Variants in ZYG11B observed in about 807,000 individuals in gnomAD.
ZYG11B encodes protein zyg-11 homolog B.
In ZYG11B, 36 loss-of-function variants were observed where a neutral mutation model predicts 82.4. The observed-to-expected ratio is 0.44, with a 90% confidence interval of 0.33 to 0.58. The LOEUF (loss-of-function observed/expected upper bound fraction) is 0.58. Ranked by LOEUF, ZYG11B falls within the 20% of genes least tolerant of loss-of-function variation. ZYG11B has a pLI of 0.02. For missense variants in ZYG11B, 552 were observed against 895.6 expected (o/e 0.62, Z 4.90); for synonymous variants, 303 against 312.8 (o/e 0.97, Z 0.33).
chr1:52,750,341 C>T (rs1290885312), intron 1 of ZYG11B, among the ~76,000 whole-genome samples: 5 of 150,724 alleles, frequency 3.3e-5, no homozygotes, highest in South Asian at 2.1e-4. Context: ...GGCGCAATCT[C>T]GGCTCACTGC....
rs890910314 is a variant in ZYG11B, at chr1:52,821,531, C to A, written c.2137C>A (p.Gln713Lys). 3.7e-6 allele frequency: 6 copies of A among 1,614,120 alleles called. No individual in the cohort carries two copies. Among genetic ancestry groups the A allele is most frequent in the South Asian group, 1.1e-5 (1 of 91,076 alleles). The change falls in exon 14 of 14, where the codon CAG becomes AAG. Residue 713 changes from glutamine to lysine, a missense_variant. Physicochemically the swap from Gln to Lys is moderately conservative, Grantham distance 53. Transcript: ENST00000294353. ...TGAACATACTGATCCCCATGTCCAA[C>A]AGATTGCTGTGGCCATTCTGGATAG... ...DHEHTDPHVQ[Q>K]IAVAILDSLE...
At chr1:52,768,164 C>G (rs1644714728) in intron 2 of ZYG11B, among the ~76,000 whole-genome samples, 1 of 152,136 alleles carries the variant, frequency 6.6e-6, no homozygotes, top group East Asian at 1.9e-4. Context: ...TGTTTCCTGT[C>G]TTACTAGTTG....
intron 10 of ZYG11B, among the ~76,000 whole-genome samples, chr1:52,802,659 T>C (rs554671805): frequency 6.6e-6 from 1 of 151,870 alleles, no homozygotes; most frequent in Admixed American, 6.6e-5. Context: ...AGTGGCAATT[T>C]TTGACAATTT....
chr1:52,760,537 T>A (rs1035033546), intron 2 of ZYG11B, among the ~76,000 whole-genome samples: 1 of 152,216 alleles, frequency 6.6e-6, no homozygotes, highest in Non-Finnish European at 1.5e-5. Flanking sequence ...AACATATACA[T>A]TTAAAATTTT....
intron 2 of ZYG11B, among the ~76,000 whole-genome samples, chr1:52,758,289 T>C (rs1017072609): frequency 2.0e-5 from 3 of 151,620 alleles, no homozygotes; most frequent in African/African-American, 7.3e-5. Context: ...AGCTATAGAA[T>C]AGAATGTAAA....
intron 1 of ZYG11B, among the ~76,000 whole-genome samples, chr1:52,742,594 G>C (rs949491511): frequency 6.6e-6 from 1 of 152,164 alleles, no homozygotes; most frequent in Non-Finnish European, 1.5e-5. Context: ...TGTAATCCCA[G>C]CACTTTCGGA....
At chr1:52,792,713 AATTAT>A (rs1159271865) in intron 6 of ZYG11B, among the ~76,000 whole-genome samples, 2 of 152,222 alleles carry the variant, frequency 1.3e-5, no homozygotes, top group African/African-American at 4.8e-5. Context: ...AGAGAAAGTC[AATTAT>A]ATTAGTAAAA....
Position 52,801,830 on chromosome 1 carries a change from A to G in ZYG11B, c.1497A>G (p.Gln499=). ...TELFIVRQLL[Q]IVKQKTNQNS... is the part of the protein sequence containing the mutation. The stretch of plus-strand genomic sequence containing the variant: ...TTTTTTTTTTTCAGCAACTTCTTCA[A>G]ATAGTGAAGCAGAAAACCAATCAAA... Residue 499 remains glutamine, a synonymous_variant, in exon 9 of 14, where the codon CAA becomes CAG. Coordinates refer to ENST00000294353, the MANE Select transcript of ZYG11B (RefSeq NM_024646.3). The G allele has an allele frequency of 6.3e-7, 1 of 1,584,056 alleles. No homozygotes were observed. Among genetic ancestry groups the G allele is most frequent in the Non-Finnish European group, 8.5e-7 (1 of 1,171,236 alleles).
chr1:52,797,076 T>A (rs1316680847), intron 8 of ZYG11B, among the ~76,000 whole-genome samples: 11 of 70,350 alleles, frequency 1.6e-4, no homozygotes, highest in South Asian at 1.6e-3. Context: ...ATATATTATA[T>A]ATTGTATATA....
At chr1:52,819,532 A>T (rs1358821526) in intron 13 of ZYG11B, among the ~76,000 whole-genome samples, 1 of 152,118 alleles carries the variant, frequency 6.6e-6, no homozygotes, top group East Asian at 1.9e-4. Flanking sequence ...TCACGCCTGT[A>T]TTCCCAGCAC....
chr1:52,773,629 T>TATA (rs1187455734), intron 3 of ZYG11B, among the ~76,000 whole-genome samples: 50 of 9,460 alleles, frequency 5.3e-3, no homozygotes, highest in East Asian at 0.012. Context: ...ATATATATAT[T>TATA]TTTTTTTTTT....
At chr1:52,778,120 C>T (rs1001123363) in intron 3 of ZYG11B, among the ~76,000 whole-genome samples, 1 of 152,156 alleles carries the variant, frequency 6.6e-6, no homozygotes. Flanking sequence ...AATTTTATGA[C>T]CCAACTATTT....
At chr1:52,811,767 A>C (rs909309499) in intron 10 of ZYG11B, among the ~76,000 whole-genome samples, 5 of 151,862 alleles carry the variant, frequency 3.3e-5, no homozygotes, top group Admixed American at 6.6e-5. Flanking sequence ...GCGGTGGCGC[A>C]TGCCTGTAAT....
chr1:52,803,971 G>A (rs922980537), intron 10 of ZYG11B, among the ~76,000 whole-genome samples: 1 of 151,600 alleles, frequency 6.6e-6, no homozygotes, highest in Non-Finnish European at 1.5e-5. Flanking sequence ...TGGACACAGT[G>A]ACTCATGCCT....
chr1:52,736,554 G>C (rs1178126943), intron 1 of ZYG11B, among the ~76,000 whole-genome samples: 2 of 152,116 alleles, frequency 1.3e-5, no homozygotes, highest in African/African-American at 4.8e-5. Flanking sequence ...CCAGGTTCAA[G>C]CAATTCTCCT....
chr1:52,744,510 A>C (rs1289909084), intron 1 of ZYG11B, among the ~76,000 whole-genome samples: 1 of 152,232 alleles, frequency 6.6e-6, no homozygotes, highest in Non-Finnish European at 1.5e-5. Flanking sequence ...ATAACACTAG[A>C]ATTCAACTTC....
intron 10 of ZYG11B, among the ~76,000 whole-genome samples, chr1:52,813,191 G>C (rs2149965257): frequency 6.6e-6 from 1 of 152,262 alleles, no homozygotes; most frequent in Middle Eastern, 3.4e-3. Context: ...TAGCCTCCTG[G>C]AGTTTCACCC....
chr1:52,740,414 A>G (rs2149920937), intron 1 of ZYG11B, among the ~76,000 whole-genome samples: 1 of 152,290 alleles, frequency 6.6e-6, no homozygotes, highest in South Asian at 2.1e-4. Flanking sequence ...CTTGCTTTTC[A>G]ATTTGTCATC....
At chr1:52,807,544 T>G (rs1204676576) in intron 10 of ZYG11B, among the ~76,000 whole-genome samples, 1 of 146,956 alleles carries the variant, frequency 6.8e-6, no homozygotes, top group Non-Finnish European at 1.5e-5. Flanking sequence ...CAGGCTGGAG[T>G]ACAGTGGCAT....
Sources: allele counts gnomAD v4.1 joint callset (sites outside exome capture counted in the v4.1 genomes callset), GRCh38; gene constraint gnomAD v4.1.1; transcripts MANE v1.5; gene names NCBI Gene and HGNC (gene_info 2026-07-23, HGNC 2026-07-21).